ZNF804A: variants seen among roughly 807,000 people sequenced by gnomAD.
ZNF804A encodes zinc finger protein 804A.
A neutral mutation model predicts 16.5 loss-of-function variants in ZNF804A; 2 were observed. That is an observed-to-expected ratio of 0.12 (90% CI 0.05 to 0.38). The LOEUF (loss-of-function observed/expected upper bound fraction) is 0.38. ZNF804A is among the 10% of genes least tolerant of loss of function. The pLI, the probability that ZNF804A is intolerant of heterozygous loss-of-function variation, is 0.99. For missense variants in ZNF804A, 1,473 were observed against 1,390.7 expected, an observed-to-expected ratio of 1.06 and a Z score of -0.94; for synonymous variants, 534 against 489.6, an observed-to-expected ratio of 1.09 and a Z score of -1.20.
intron 1 of ZNF804A, among the ~76,000 whole-genome samples, chr2:184,831,947 G>A (rs954612343): frequency 3.9e-5 from 6 of 151,916 alleles, no homozygotes; most frequent in East Asian, 1.9e-4. Context: ...TGAACTACAC[G>A]TGAGTGGAAA....
At chr2:184,726,916 A>G (rs139844267) in intron 1 of ZNF804A, among the ~76,000 whole-genome samples, 4 of 151,700 alleles carry the variant, frequency 2.6e-5, no homozygotes, top group African/African-American at 9.6e-5. Flanking sequence ...TTTTTAGTAT[A>G]ATGCATGTTA....
intron 2 of ZNF804A, among the ~76,000 whole-genome samples, chr2:184,926,380 A>G (rs536609818): frequency 8.2e-5 from 12 of 146,904 alleles, no homozygotes; most frequent in Admixed American, 6.8e-5. Context: ...GACATGTTGG[A>G]CCTCCATATT....
chr2:184,616,194 T>C (rs768215766), intron 1 of ZNF804A, among the ~76,000 whole-genome samples: 54 of 152,188 alleles, frequency 3.5e-4, no homozygotes, highest in Non-Finnish European at 5.0e-4. Flanking sequence ...TTTCACACCT[T>C]CCTTTGCTTC....
chr2:184,816,906 C>T (rs1694991167), intron 1 of ZNF804A, among the ~76,000 whole-genome samples: 1 of 151,762 alleles, frequency 6.6e-6, no homozygotes, highest in Non-Finnish European at 1.5e-5. Flanking sequence ...ATGTTGAGAC[C>T]AGGAAGTGTA....
At chr2:184,920,213 G>C (rs551254608) in intron 2 of ZNF804A, among the ~76,000 whole-genome samples, 46 of 152,166 alleles carry the variant, frequency 3.0e-4, no homozygotes, top group African/African-American at 1.0e-3. Flanking sequence ...AATCAGGCCT[G>C]AGTTTTCTTT....
chr2:184,932,316 G>A (rs957610106), intron 2 of ZNF804A, among the ~76,000 whole-genome samples: 1 of 152,072 alleles, frequency 6.6e-6, no homozygotes, highest in Non-Finnish European at 1.5e-5. Context: ...ATTGGGTAAT[G>A]TATAAAGGAA....
chr2:184,667,705 A>G (rs1692273722), intron 1 of ZNF804A, among the ~76,000 whole-genome samples: 1 of 151,836 alleles, frequency 6.6e-6, no homozygotes, highest in Non-Finnish European at 1.5e-5. Flanking sequence ...TTGTAACTTG[A>G]TCCAGTTCCA....
chr2:184,636,549 C>CTGTG (rs71011052), intron 1 of ZNF804A, among the ~76,000 whole-genome samples: 2,925 of 138,454 alleles, frequency 0.021, 46 homozygotes, highest in East Asian at 0.08. Flanking sequence ...GGCTCTAGGG[C>CTGTG]TGTGTGTGTG....
intron 1 of ZNF804A, among the ~76,000 whole-genome samples, chr2:184,613,791 A>G (rs1175352623): frequency 1.3e-5 from 2 of 152,184 alleles, no homozygotes; most frequent in African/African-American, 4.8e-5. Context: ...GAGAGGACAC[A>G]AACAAATGGA....
chr2:184,733,567 T>C (rs1693557613), intron 1 of ZNF804A, among the ~76,000 whole-genome samples: 2 of 152,296 alleles, frequency 1.3e-5, no homozygotes, highest in South Asian at 4.1e-4. Context: ...TCTGCTTTGA[T>C]CTTGTGAATA....
At chr2:184,810,068 C>T (rs1694868299) in intron 1 of ZNF804A, among the ~76,000 whole-genome samples, 1 of 152,080 alleles carries the variant, frequency 6.6e-6, no homozygotes, top group Admixed American at 6.5e-5. Flanking sequence ...CAAACTATCG[C>T]CCAGGACTAA....
intron 1 of ZNF804A, among the ~76,000 whole-genome samples, chr2:184,787,514 A>T (rs941360093): frequency 3.1e-5 from 4 of 128,878 alleles, no homozygotes; most frequent in Non-Finnish European, 4.7e-5. Context: ...ACCCACCAAC[A>T]TCGGTTGTTT....
intron 2 of ZNF804A, among the ~76,000 whole-genome samples, chr2:184,879,372 A>G (rs1184907945): frequency 6.6e-6 from 1 of 152,040 alleles, no homozygotes; most frequent in East Asian, 1.9e-4. Flanking sequence ...TGAAGTTTTC[A>G]ACCTCATTTC....
chr2:184,778,432 C>A (rs1694322027), intron 1 of ZNF804A, among the ~76,000 whole-genome samples: 1 of 151,354 alleles, frequency 6.6e-6, no homozygotes, highest in African/African-American at 2.4e-5. Flanking sequence ...CAAACCGACA[C>A]ATATGTATAA....
chr2:184,656,854 C>G (rs1302555720), intron 1 of ZNF804A, among the ~76,000 whole-genome samples: 2 of 151,854 alleles, frequency 1.3e-5, no homozygotes, highest in Admixed American at 6.6e-5. Flanking sequence ...GGGAGCAGGG[C>G]CATTAAGTTT....
intron 1 of ZNF804A, among the ~76,000 whole-genome samples, chr2:184,602,743 A>G (rs986383791): frequency 2.0e-5 from 3 of 152,012 alleles, no homozygotes; most frequent in African/African-American, 7.2e-5. Context: ...ATAACATTAT[A>G]TCTATTTCAC....
chr2:184,747,882 C>G (rs1693815173), intron 1 of ZNF804A, among the ~76,000 whole-genome samples: 2 of 151,448 alleles, frequency 1.3e-5, no homozygotes, highest in Admixed American at 1.3e-4. Flanking sequence ...TTAACTTACA[C>G]TAATAAGTAA....
chr2:184,892,412 GAA>G (rs1296375895), intron 2 of ZNF804A, among the ~76,000 whole-genome samples: 3 of 150,824 alleles, frequency 2.0e-5, no homozygotes, highest in African/African-American at 7.3e-5. Flanking sequence ...GAAAGGGTGA[GAA>G]ATGACAGAAG....
At chr2:184,722,888 G>A (rs530976347) in intron 1 of ZNF804A, among the ~76,000 whole-genome samples, 1 of 152,062 alleles carries the variant, frequency 6.6e-6, no homozygotes, top group South Asian at 2.1e-4. Context: ...CATGTTAACG[G>A]TATTTACCCT....
Sources: gnomAD v4.1 joint callset for allele counts (sites outside exome capture counted in the v4.1 genomes callset) on GRCh38, gnomAD v4.1.1 for gene constraint, MANE v1.5 for transcripts, NCBI Gene and HGNC (gene_info 2026-07-23, HGNC 2026-07-21) for gene names.